PAPPA2: variants seen among roughly 807,000 people sequenced by gnomAD.
PAPPA2 encodes pappalysin 2.
A neutral mutation model predicts 176.4 loss-of-function variants in PAPPA2; 86 were observed. That is an observed-to-expected ratio of 0.49 (90% CI 0.41 to 0.58). PAPPA2 has a LOEUF of 0.58. Among genes scored for constraint, PAPPA2 ranks in the 20% least tolerant of loss-of-function variants. PAPPA2 has a pLI of 0.00. For synonymous variants in PAPPA2, 809 were observed against 852.2 expected (o/e 0.95, Z 0.88); for missense variants, 2,073 against 2,256.9 (o/e 0.92, Z 1.65).
chr1:176,749,861 T>G (rs528940354), intron 14 of PAPPA2, among the ~76,000 whole-genome samples: 1 of 152,356 alleles, frequency 6.6e-6, no homozygotes, highest in South Asian at 2.1e-4. Context: ...CAACCGTTTA[T>G]TTATCCATAT....
At chr1:176,829,728 GTAAGC>G (rs1173760422) in intron 21 of PAPPA2, among the ~76,000 whole-genome samples, 2 of 152,180 alleles carry the variant, frequency 1.3e-5, no homozygotes, top group African/African-American at 4.8e-5. Flanking sequence ...CCACAGCTAT[GTAAGC>G]TCCATCCAGA....
chr1:176,654,339 G>A (rs933258113), intron 3 of PAPPA2, among the ~76,000 whole-genome samples: 2 of 151,246 alleles, frequency 1.3e-5, no homozygotes, highest in Non-Finnish European at 3.0e-5. Context: ...TGTTCTTGTT[G>A]GTTTTGTCAA....
At chr1:176,814,559 G>T (rs1193362609) in intron 21 of PAPPA2, among the ~76,000 whole-genome samples, 1 of 152,098 alleles carries the variant, frequency 6.6e-6, no homozygotes, top group South Asian at 2.1e-4. Flanking sequence ...GTGAATGAAA[G>T]TTCATTCATT....
intron 21 of PAPPA2, among the ~76,000 whole-genome samples, chr1:176,833,263 T>C (rs537484353): frequency 6.6e-6 from 1 of 152,342 alleles, no homozygotes; most frequent in African/African-American, 2.4e-5. Flanking sequence ...ATTTGAATCA[T>C]GTAGACTTCA....
chr1:176,821,359 A>G (rs1421029909), intron 21 of PAPPA2, among the ~76,000 whole-genome samples: 1 of 152,220 alleles, frequency 6.6e-6, no homozygotes, highest in Middle Eastern at 3.2e-3. Context: ...AGGGGTAATT[A>G]TTTGAAGTAG....
intron 20 of PAPPA2, among the ~76,000 whole-genome samples, chr1:176,797,562 A>G (rs904406294): frequency 3.3e-5 from 5 of 152,122 alleles, no homozygotes; most frequent in African/African-American, 1.2e-4. Flanking sequence ...CAGGAGAATC[A>G]CTTGAGCCCG....
intron 17 of PAPPA2, among the ~76,000 whole-genome samples, chr1:176,775,572 A>G (rs1664422468): frequency 6.6e-6 from 1 of 152,200 alleles, no homozygotes; most frequent in African/African-American, 2.4e-5. Flanking sequence ...TTACCTCTCA[A>G]CAAGCTCACC....
At chr1:176,692,383 G>T (rs1660160517) in intron 6 of PAPPA2, 65 bp downstream of exon 6, 1 of 1,441,604 alleles carries the variant, frequency 6.9e-7, no homozygotes, top group Non-Finnish European at 9.6e-7. Flanking sequence ...ATGAATGAGG[G>T]GAAGAATATG....
At chr1:176,500,196 T>C (rs1358123670) in intron 1 of PAPPA2, among the ~76,000 whole-genome samples, 1 of 152,168 alleles carries the variant, frequency 6.6e-6, no homozygotes, top group Non-Finnish European at 1.5e-5. Flanking sequence ...GATATTTTCT[T>C]CCTTTTCCCA....
intron 14 of PAPPA2, among the ~76,000 whole-genome samples, chr1:176,762,360 A>C (rs985329082): frequency 6.6e-6 from 1 of 150,902 alleles, no homozygotes; most frequent in African/African-American, 2.4e-5. Context: ...GACTTCTCAC[A>C]CTGGCAGTCA....
chr1:176,638,844 G>A (rs1292115557), intron 3 of PAPPA2, among the ~76,000 whole-genome samples: 1 of 151,876 alleles, frequency 6.6e-6, no homozygotes, highest in Non-Finnish European at 1.5e-5. Flanking sequence ...CTGCTCGGGA[G>A]CAGAGGGCCC....
At chr1:176,633,979 T>G (rs1573165040) in intron 3 of PAPPA2, among the ~76,000 whole-genome samples, 1 of 152,294 alleles carries the variant, frequency 6.6e-6, no homozygotes, top group African/African-American at 2.4e-5. Flanking sequence ...ATAGGAACAC[T>G]TTTACACTAT....
Position 176,770,928 on chromosome 1 carries a change from C to T in PAPPA2, c.4502-39C>T, listed in dbSNP as rs772186160. ...TGCTATGATTATCTTTCTGGGCTCT[C>T]TGTTCTGAGCATCTTGTGCTTCTCT... On this transcript the variant is annotated intron_variant, in intron 16 of 22. Transcript: ENST00000367662. The T allele has an allele frequency of 2.5e-6, 4 of 1,582,032 alleles. No homozygotes were observed. In the South Asian group the frequency reaches 3.3e-5, roughly 13 times the overall value.
chr1:176,525,174 C>T (rs1572999207), intron 1 of PAPPA2, among the ~76,000 whole-genome samples: 1 of 152,172 alleles, frequency 6.6e-6, no homozygotes, highest in Non-Finnish European at 1.5e-5. Context: ...TTCCTAGACC[C>T]TAGTACGGTT....
chr1:176,794,808 G>C (rs1665355093), intron 20 of PAPPA2, among the ~76,000 whole-genome samples: 1 of 151,872 alleles, frequency 6.6e-6, no homozygotes, highest in Middle Eastern at 3.4e-3. Context: ...GTAAGGGTTT[G>C]AAGTTTTCAG....
chr1:176,497,371 A>T (rs1029441611), intron 1 of PAPPA2, among the ~76,000 whole-genome samples: 8 of 152,146 alleles, frequency 5.3e-5, no homozygotes, highest in Admixed American at 5.2e-4. Context: ...TTACTACCTC[A>T]CAAGGCATCT....
intron 2 of PAPPA2, among the ~76,000 whole-genome samples, chr1:176,566,704 C>G (rs983926794): frequency 7.2e-5 from 11 of 152,168 alleles, no homozygotes; most frequent in Non-Finnish European, 1.5e-4. Context: ...ATTCTCTTGT[C>G]ACCAGCAATA....
chr1:176,488,526 G>A (rs531858437), intron 1 of PAPPA2, among the ~76,000 whole-genome samples: 1 of 152,170 alleles, frequency 6.6e-6, no homozygotes, highest in South Asian at 2.1e-4. Flanking sequence ...CTTAATACCA[G>A]CCCCTAACTC....
At chr1:176,747,461 A>G (rs897486217) in intron 14 of PAPPA2, among the ~76,000 whole-genome samples, 1 of 152,198 alleles carries the variant, frequency 6.6e-6, no homozygotes, top group African/African-American at 2.4e-5. Flanking sequence ...ATAGAAAAAG[A>G]GAAGTTTTGA....
Sources: gnomAD v4.1 joint callset for allele counts (sites outside exome capture counted in the v4.1 genomes callset) on GRCh38, gnomAD v4.1.1 for gene constraint, MANE v1.5 for transcripts, NCBI Gene and HGNC (gene_info 2026-07-23, HGNC 2026-07-21) for gene names.